MTOR: variants seen among roughly 807,000 people sequenced by gnomAD.
MTOR encodes mechanistic target of rapamycin kinase.
MTOR carries 70 observed loss-of-function variants against 319.8 expected under a neutral mutation model. The ratio of observed to expected loss-of-function variants is 0.22; its 90% CI spans 0.18 to 0.27. The LOEUF is 0.27. Among genes scored for constraint, MTOR ranks in the 10% least tolerant of loss-of-function variants. The pLI is 1.00. For synonymous variants in MTOR, 1,183 were observed against 1,211.4 expected (o/e 0.98, Z 0.49); for missense variants, 1,890 against 3,274.4 (o/e 0.58, Z 10.32).
In MTOR at chr1:11,130,574, G is replaced by A. The variant is rs752534691; in HGVS notation, c.5568C>T (p.Thr1856=). Residue 1856 remains threonine, a synonymous_variant, in exon 39 of 58, where the codon ACC becomes ACT. Coordinates refer to ENST00000361445, the MANE Select transcript of MTOR (RefSeq NM_004958.4). ...GSNSESEAES[T]ENSPTPSPLQ... ...GCGGCGATGGGGTGGGGCTGTTCTC[G>A]GTGCTCTCGGCCTCGCTCTCACTGT... The A allele has an allele frequency of 3.3e-5, 54 of 1,613,406 alleles. No individual in the cohort carries two copies. Among genetic ancestry groups the A allele is most frequent in the Non-Finnish European group, 3.8e-5 (45 of 1,180,014 alleles).
chr1:11,184,535 A>G (rs1322633878), intron 28 of MTOR, among the ~76,000 whole-genome samples: 1 of 152,104 alleles, frequency 6.6e-6, no homozygotes, highest in Non-Finnish European at 1.5e-5. Flanking sequence ...GGAGTTCCAC[A>G]CCAGCCTCAA....
intron 28 of MTOR, among the ~76,000 whole-genome samples, chr1:11,172,163 C>T (rs1644835429): frequency 6.6e-6 from 1 of 150,904 alleles, no homozygotes; most frequent in African/African-American, 2.5e-5. Flanking sequence ...AGGCTGGGCT[C>T]ACTGGGGGAC....
intron 11 of MTOR, 146 bp from the exon 12 acceptor site, chr1:11,238,763 C>CT (rs1192077691): frequency 1.8e-5 from 11 of 607,318 alleles, no homozygotes; most frequent in African/African-American, 7.6e-5. Flanking sequence ...ACCCGGAACT[C>CT]TTCTTTTTTT....
intron 50 of MTOR, among the ~76,000 whole-genome samples, chr1:11,116,284 T>TCTTG (rs1283613235): frequency 2.6e-5 from 4 of 152,220 alleles, no homozygotes; most frequent in Admixed American, 6.5e-5. Context: ...GACAAATGTT[T>TCTTG]CTTGAATCAA....
At chr1:11,253,435 T>C (rs987112354) in intron 6 of MTOR, among the ~76,000 whole-genome samples, 2 of 152,332 alleles carry the variant, frequency 1.3e-5, no homozygotes, top group Admixed American at 6.5e-5. Context: ...CCTATTAATT[T>C]GGCCCCTCCT....
At chr1:11,252,671 A>G (rs945430525) in intron 6 of MTOR, among the ~76,000 whole-genome samples, 5 of 152,174 alleles carry the variant, frequency 3.3e-5, no homozygotes, top group African/African-American at 1.2e-4. Flanking sequence ...CGCTGCTCCC[A>G]CATCTGGGCA....
chr1:11,242,500 C>CAAAAAAAAAA (rs70977555), intron 9 of MTOR, among the ~76,000 whole-genome samples: 51 of 52,600 alleles, frequency 9.7e-4, no homozygotes, highest in African/African-American at 1.5e-3. Context: ...GACTCCATCT[C>CAAAAAAAAAA]AAAAAAAAAA....
At chr1:11,119,871 C>T (rs1159887878) in intron 49 of MTOR, among the ~76,000 whole-genome samples, 2 of 151,020 alleles carry the variant, frequency 1.3e-5, no homozygotes, top group Admixed American at 6.6e-5. Context: ...AATGCCTGTA[C>T]AGTCATATCT....
chr1:11,189,659 A>T (rs1295214993), intron 28 of MTOR: 2 of 1,614,194 alleles, frequency 1.2e-6, no homozygotes, highest in African/African-American at 2.7e-5. Flanking sequence ...GCGTGGCTGC[A>T]GAAGCTCTCT....
At chr1:11,197,528 TTCATTCATTCAC>T (rs1477933027) in intron 28 of MTOR, among the ~76,000 whole-genome samples, 1 of 152,170 alleles carries the variant, frequency 6.6e-6, no homozygotes, top group African/African-American at 2.4e-5. Flanking sequence ...AGTAACAGCA[TTCATTCATTCAC>T]TCATTCATTC....
intron 2 of MTOR, 57 bp from the exon 3 acceptor site, chr1:11,258,650 G>A: frequency 1.5e-6 from 2 of 1,326,386 alleles, no homozygotes; most frequent in Non-Finnish European, 2.1e-6. Flanking sequence ...TGTGGTGGTG[G>A]GAGTGGGCTG....
In MTOR at chr1:11,199,250, T is replaced by G; in HGVS notation, c.4253+8A>C. The stretch of plus-strand genomic sequence containing the variant: ...GAAGGCAGCAATTAAAAAGGGTTTA[T>G]GGCCTACCTGATGAGAGATTCTAGA... On this transcript the variant is annotated splice_region_variant and intron_variant, in intron 28 of 57. Transcript: ENST00000361445. The surrounding 1 kb of genome is among the most constrained non-coding windows in gnomAD (Gnocchi z 4.5). 1 of 1,614,194 alleles carries G rather than the reference T, an allele frequency of 6.2e-7. No individual in the cohort carries two copies. Among genetic ancestry groups the G allele is most frequent in the Non-Finnish European group, 8.5e-7 (1 of 1,180,016 alleles).
At chr1:11,124,228 C>T (rs957506132) in intron 47 of MTOR, among the ~76,000 whole-genome samples, 13 of 152,294 alleles carry the variant, frequency 8.5e-5, no homozygotes, top group Admixed American at 5.2e-4. Context: ...CCATGCCCAG[C>T]CTTTTTCTTC....
At chr1:11,185,697 G>T (rs949525944) in intron 28 of MTOR, among the ~76,000 whole-genome samples, 1 of 152,156 alleles carries the variant, frequency 6.6e-6, no homozygotes, top group African/African-American at 2.4e-5. Flanking sequence ...GATAGAAGTG[G>T]CAAATTAGAA....
chr1:11,259,962 TG>T lies in MTOR; in HGVS notation c.-14-540del, dbSNP rs550842379. Reference sequence around the variant, plus strand: ...TATACCTCAAGAAAGACACTCAAAATGTGTTTCTTCAACTACAATAGGAAGA... The same window carrying T: ...TATACCTCAAGAAAGACACTCAAAATTGTTTCTTCAACTACAATAGGAAGA... On this transcript the variant is annotated intron_variant, in intron 1 of 57. Transcript: ENST00000361445. 3.2e-4 allele frequency among the ~76,000 whole-genome samples: 49 copies of T among 152,260 alleles called. No homozygotes were observed. In the South Asian group the frequency reaches 8.1e-3, roughly 25 times the overall value.
intron 19 of MTOR, among the ~76,000 whole-genome samples, chr1:11,217,474 C>G (rs1039510177): frequency 6.6e-6 from 1 of 151,550 alleles, no homozygotes; most frequent in Non-Finnish European, 1.5e-5. Flanking sequence ...TCACTGCAAG[C>G]TCCCGGGTTC....
chr1:11,137,237 T>C lies in MTOR; in HGVS notation c.5130+2067A>G, dbSNP rs993215823. ...AAAAGGTGATAACTCAGTGTGATCA[T>C]TGCATACGTCACGCAGGTAGGAGCT... On this transcript the variant is annotated intron_variant, in intron 36 of 57. Coordinates refer to ENST00000361445, the MANE Select transcript of MTOR (RefSeq NM_004958.4). Among the ~76,000 whole-genome samples, 8 of 151,066 alleles carry C rather than the reference T, an allele frequency of 5.3e-5. No homozygotes were observed. The East Asian group carries it at 1.6e-3, about 29-fold the overall frequency.
At position 11,210,862 on chromosome 1, in the gene MTOR, G is replaced by A. The variant is rs1478577529; in HGVS notation, c.3606C>T (p.His1202=). 1 of 1,613,808 alleles carries A rather than the reference G, an allele frequency of 6.2e-7. No homozygotes were observed. Among genetic ancestry groups the A allele is most frequent in the Non-Finnish European group, 8.5e-7 (1 of 1,179,942 alleles). The part of the protein sequence containing the change: ...IPMVNKVLVR[H]RINHQRYDVL... ...CATCATAGCGCTGATGATTGATTCG[G>A]TGTCGCACCAGAACTTTATTCACCA... Residue 1202 remains histidine (H), a synonymous_variant, in exon 24 of 58, where the codon CAC becomes CAT. Transcript: ENST00000361445.
Position 11,212,306 on chromosome 1 carries a change from T to C in MTOR, c.3561+6A>G. 2 of 1,612,870 alleles carry C rather than the reference T, an allele frequency of 1.2e-6. No homozygotes were observed. The highest frequency in any genetic ancestry group is 1.7e-6 in the Non-Finnish European group (2 of 1,179,310). On this transcript the variant is annotated splice_donor_region_variant and intron_variant, in intron 23 of 57. Transcript: ENST00000361445. This position sits in a 1 kb window ranked among gnomAD's most constrained non-coding sequence, Gnocchi z 4.1. Reference sequence around the variant, plus strand: ...GAGCACCTGTCTGTCCAGACTCCCATCTTACCTTCTTCCCCAGCTGAAAAA... The same window carrying C: ...GAGCACCTGTCTGTCCAGACTCCCACCTTACCTTCTTCCCCAGCTGAAAAA...
Sources: allele counts gnomAD v4.1 joint callset (sites outside exome capture counted in the v4.1 genomes callset), GRCh38; gene constraint gnomAD v4.1.1; non-coding constraint Gnocchi (gnomAD v3.1); transcripts MANE v1.5; gene names NCBI Gene and HGNC (gene_info 2026-07-23, HGNC 2026-07-21).